The following MCTP1 variants were observed in gnomAD, a reference collection of about 807,000 sequenced individuals.
The protein encoded by MCTP1 is multiple C2 and transmembrane domain containing 1.
MCTP1 carries 69 observed loss-of-function variants against 120.6 expected under a neutral mutation model. The ratio of observed to expected loss-of-function variants is 0.57; its 90% CI spans 0.47 to 0.70. The LOEUF is 0.70. Among genes scored for constraint, MCTP1 ranks in the 30% least tolerant of loss-of-function variants. The probability of loss-of-function intolerance (pLI) is 0.00; values close to 1 mark genes in which losing one functional copy is unlikely to be tolerated. For missense variants in MCTP1, 1,203 were observed against 1,248.8 expected, an observed-to-expected ratio of 0.96 and a Z score of 0.55; for synonymous variants, 529 against 493.1, an observed-to-expected ratio of 1.07 and a Z score of -0.96.
chr5:95,228,783 G>T (rs1290884047), intron 1 of MCTP1, among the ~76,000 whole-genome samples: 1 of 152,108 alleles, frequency 6.6e-6, no homozygotes, highest in Non-Finnish European at 1.5e-5. Context: ...TTGGTTAAAA[G>T]TGTGTAGCAC....
intron 10 of MCTP1, among the ~76,000 whole-genome samples, 161 bp downstream of exon 10, chr5:94,909,090 G>A (rs1248384560): frequency 6.6e-6 from 1 of 152,046 alleles, no homozygotes; most frequent in Non-Finnish European, 1.5e-5. Flanking sequence ...CTACTGGTCA[G>A]TTTTTGAATC....
chr5:95,015,412 T>C (rs756048016), intron 2 of MCTP1, among the ~76,000 whole-genome samples: 2 of 152,122 alleles, frequency 1.3e-5, no homozygotes, highest in Non-Finnish European at 2.9e-5. Context: ...AGACTTTAAA[T>C]TAATTAAGAA....
intron 1 of MCTP1, among the ~76,000 whole-genome samples, chr5:95,150,479 A>G (rs934761763): frequency 2.6e-5 from 4 of 152,304 alleles, no homozygotes; most frequent in East Asian, 1.9e-4. Context: ...CCTGGGAGTA[A>G]AATCTTTGGC....
intron 19 of MCTP1, among the ~76,000 whole-genome samples, chr5:94,774,022 A>C (rs1382528364): frequency 9.9e-6 from 1 of 100,720 alleles, no homozygotes; most frequent in African/African-American, 4.3e-5. Context: ...TCCCGGCTAA[A>C]ATGGTGAAAC....
chr5:95,184,235 C>T (rs1205617054), intron 1 of MCTP1, among the ~76,000 whole-genome samples: 1 of 152,082 alleles, frequency 6.6e-6, no homozygotes, highest in Non-Finnish European at 1.5e-5. Context: ...GAATCTCCAA[C>T]TTCTAGATAT....
intron 17 of MCTP1, among the ~76,000 whole-genome samples, chr5:94,831,285 G>C (rs1256118218): frequency 6.6e-6 from 1 of 152,124 alleles, no homozygotes; most frequent in Non-Finnish European, 1.5e-5. Flanking sequence ...TCAAGTCAAG[G>C]CTATTCCTGA....
At chr5:95,001,163 T>C (rs1327047825) in intron 2 of MCTP1, among the ~76,000 whole-genome samples, 2 of 152,240 alleles carry the variant, frequency 1.3e-5, no homozygotes, top group Non-Finnish European at 2.9e-5. Flanking sequence ...GTACGTTTCC[T>C]GAAGCCTCCC....
At chr5:95,110,285 C>T (rs1483955659) in intron 1 of MCTP1, among the ~76,000 whole-genome samples, 1 of 152,034 alleles carries the variant, frequency 6.6e-6, no homozygotes, top group Non-Finnish European at 1.5e-5. Context: ...CAGCCAGCGA[C>T]ACTTCCTCTT....
chr5:95,096,865 T>G (rs1171357712), intron 1 of MCTP1, among the ~76,000 whole-genome samples: 1 of 152,190 alleles, frequency 6.6e-6, no homozygotes, highest in Non-Finnish European at 1.5e-5. Flanking sequence ...CATCAATGAA[T>G]AGTCTATCAT....
At chr5:95,076,381 G>T (rs1582175722) in intron 1 of MCTP1, among the ~76,000 whole-genome samples, 1 of 151,456 alleles carries the variant, frequency 6.6e-6, no homozygotes, top group East Asian at 1.9e-4. Flanking sequence ...AATTTTCCAG[G>T]TGGATTAAAC....
chr5:94,874,564 C>A (rs1384299353), intron 12 of MCTP1, among the ~76,000 whole-genome samples: 3 of 152,034 alleles, frequency 2.0e-5, no homozygotes, highest in Non-Finnish European at 4.4e-5. Flanking sequence ...GTCTTGGGAA[C>A]AATTTTAAAT....
At chr5:95,139,509 A>G (rs1166628550) in intron 1 of MCTP1, among the ~76,000 whole-genome samples, 2 of 152,166 alleles carry the variant, frequency 1.3e-5, no homozygotes, top group Non-Finnish European at 2.9e-5. Context: ...CTTTTTTTAC[A>G]TTTTCCCCTT....
chr5:95,087,650 G>T (rs1304664138), intron 1 of MCTP1, among the ~76,000 whole-genome samples: 2 of 152,288 alleles, frequency 1.3e-5, no homozygotes, highest in East Asian at 3.9e-4. Flanking sequence ...TGGACAGTCC[G>T]TCTCAGACCA....
intron 17 of MCTP1, among the ~76,000 whole-genome samples, chr5:94,819,817 T>C (rs954827356): frequency 1.1e-4 from 17 of 152,224 alleles, no homozygotes; most frequent in African/African-American, 4.1e-4. Context: ...TTAGGAAAAT[T>C]GGCCACAAAC....
At chr5:95,213,773 C>G (rs1418940140) in intron 1 of MCTP1, among the ~76,000 whole-genome samples, 1 of 152,246 alleles carries the variant, frequency 6.6e-6, no homozygotes, top group Non-Finnish European at 1.5e-5. Flanking sequence ...AAAGGATTCC[C>G]TATTTAATAA....
At chr5:94,869,683 C>T (rs945750672) in intron 16 of MCTP1, among the ~76,000 whole-genome samples, 2 of 151,970 alleles carry the variant, frequency 1.3e-5, no homozygotes, top group East Asian at 1.9e-4. Flanking sequence ...GTTCAGTAAA[C>T]ATTTTAGCTG....
At chr5:95,061,880 G>GA (rs1749325452) in intron 1 of MCTP1, among the ~76,000 whole-genome samples, 1 of 152,180 alleles carries the variant, frequency 6.6e-6, no homozygotes, top group South Asian at 2.1e-4. Flanking sequence ...TAAGGACACT[G>GA]AGTCACAGGC....
chr5:95,215,492 A>G (rs1156378888), intron 1 of MCTP1, among the ~76,000 whole-genome samples: 2 of 152,198 alleles, frequency 1.3e-5, no homozygotes, highest in East Asian at 1.9e-4. Context: ...AGGCCATACA[A>G]TACAATTCTG....
chr5:95,055,297 C>T (rs2152044371), intron 1 of MCTP1, among the ~76,000 whole-genome samples: 1 of 152,266 alleles, frequency 6.6e-6, no homozygotes, highest in African/African-American at 2.4e-5. Flanking sequence ...TATTACCAAT[C>T]CTTATTTTCT....
Sources: gnomAD v4.1 joint callset for allele counts (sites outside exome capture counted in the v4.1 genomes callset) on GRCh38, gnomAD v4.1.1 for gene constraint, MANE v1.5 for transcripts, NCBI Gene and HGNC (gene_info 2026-07-23, HGNC 2026-07-21) for gene names.